The following HS6ST2 variants were observed in gnomAD, a reference collection of about 807,000 sequenced individuals.
HS6ST2 encodes the protein heparan-sulfate 6-O-sulfotransferase 2.
A neutral mutation model predicts 33.0 loss-of-function variants in HS6ST2; 17 were observed. The ratio of observed to expected loss-of-function variants is 0.52; its 90% CI spans 0.35 to 0.77. The LOEUF (loss-of-function observed/expected upper bound fraction) is 0.77. Among genes scored for constraint, HS6ST2 ranks in the 30% least tolerant of loss-of-function variants. HS6ST2 has a pLI of 0.01. For synonymous variants in HS6ST2, 248 were observed against 237.1 expected (o/e 1.05, Z -0.42); for missense variants, 519 against 551.7 (o/e 0.94, Z 0.59).
chrX:132,835,919 G>A lies in HS6ST2; in HGVS notation c.947+120889C>T, dbSNP rs189350644. On this transcript the variant is annotated intron_variant, in intron 2 of 4. Transcript: ENST00000370833. ...TGACAGAGCAAGACTGTCTGGGGTG[G>A]AGGGGGGAAGAAATCTGCTAGAAAC... Among the ~76,000 whole-genome samples the A allele has an allele frequency of 4.6e-4, 51 of 111,716 alleles. 4 individuals are homozygous for A. The highest frequency in any genetic ancestry group is 4.2e-3 in the East Asian group (15 of 3,541).
chrX:132,742,043 A>T (rs985385290), intron 2 of HS6ST2, among the ~76,000 whole-genome samples: 2 of 112,117 alleles, frequency 1.8e-5, no homozygotes, highest in African/African-American at 6.5e-5. Context: ...TATTGTAAAA[A>T]ATCTCTCCCA....
chrX:132,728,898 A>G (rs768728824), intron 2 of HS6ST2, among the ~76,000 whole-genome samples: 1 of 112,851 alleles, frequency 8.9e-6, no homozygotes, highest in South Asian at 3.7e-4. Context: ...ACTTGCCCTT[A>G]TGGCCCATCT....
At chrX:132,957,374 G>C in intron 1 of HS6ST2, 48 bp from the exon 2 acceptor site, 1 of 1,114,039 alleles carries the variant, frequency 9.0e-7, no homozygotes, top group Non-Finnish European at 1.2e-6. Flanking sequence ...CTCAGCCCGC[G>C]CTCGTCGTGC....
intron 2 of HS6ST2, among the ~76,000 whole-genome samples, chrX:132,880,804 T>C (rs765538253): frequency 1.1e-5 from 1 of 93,643 alleles, no homozygotes. Flanking sequence ...CAGGCCCTCA[T>C]GTGTGATGTT....
intron 3 of HS6ST2, among the ~76,000 whole-genome samples, chrX:132,689,712 T>C (rs2064045823): frequency 1.8e-5 from 2 of 112,153 alleles, no homozygotes; most frequent in Admixed American, 1.9e-4. Flanking sequence ...TCCCCTCTGG[T>C]TAAGAGCTGG....
intron 2 of HS6ST2, among the ~76,000 whole-genome samples, chrX:132,955,014 A>G (rs2067053693): frequency 8.9e-6 from 1 of 112,001 alleles, no homozygotes; most frequent in South Asian, 3.8e-4. Context: ...CATGTGCCCC[A>G]TGGAACTCCA....
chrX:132,884,028 G>T (rs2066217959), intron 2 of HS6ST2, among the ~76,000 whole-genome samples: 1 of 111,976 alleles, frequency 8.9e-6, no homozygotes, highest in South Asian at 3.7e-4. Context: ...ACTGTTTTGT[G>T]TGGTTTGCAA....
At chrX:132,797,438 G>C (rs373133624) in intron 2 of HS6ST2, among the ~76,000 whole-genome samples, 3 of 112,119 alleles carry the variant, frequency 2.7e-5, no homozygotes, top group East Asian at 2.8e-4. Context: ...TTGGAATTCT[G>C]GGCTTTCCCC....
chrX:132,654,774 C>T (rs1033338262), intron 4 of HS6ST2, among the ~76,000 whole-genome samples: 4 of 111,651 alleles, frequency 3.6e-5, no homozygotes, highest in African/African-American at 1.3e-4. Flanking sequence ...CTCACATCAG[C>T]GCATACACTG....
chrX:132,847,023 G>A (rs1489950569), intron 2 of HS6ST2, among the ~76,000 whole-genome samples: 2 of 111,307 alleles, frequency 1.8e-5, no homozygotes, highest in African/African-American at 6.5e-5. Context: ...AGCAAGAGGG[G>A]TTCATGCATG....
At chrX:132,754,418 C>CT (rs774142302) in intron 2 of HS6ST2, among the ~76,000 whole-genome samples, 3,238 of 96,655 alleles carry the variant, frequency 0.034, 97 homozygotes, top group East Asian at 0.12. Context: ...CCATACTGCA[C>CT]TTTTTTTTTT....
intron 2 of HS6ST2, among the ~76,000 whole-genome samples, chrX:132,889,423 G>C (rs1033664865): frequency 1.8e-5 from 2 of 111,020 alleles, no homozygotes; most frequent in Admixed American, 9.7e-5. Flanking sequence ...GCAAGAGAAG[G>C]GGGGAAGTGG....
At chrX:132,795,614 T>C (rs1483815845) in intron 2 of HS6ST2, among the ~76,000 whole-genome samples, 1 of 111,197 alleles carries the variant, frequency 9.0e-6, no homozygotes, top group Admixed American at 9.6e-5. Flanking sequence ...ACAGAGACCT[T>C]TTTTTTTATG....
chrX:132,683,787 G>C (rs1035313510), intron 3 of HS6ST2, among the ~76,000 whole-genome samples: 2 of 111,164 alleles, frequency 1.8e-5, no homozygotes, highest in Non-Finnish European at 3.8e-5. Context: ...GTCAGAGCAA[G>C]TAGCATGGGC....
At chrX:132,678,510 T>C (rs1352968208) in intron 3 of HS6ST2, among the ~76,000 whole-genome samples, 4 of 112,798 alleles carry the variant, frequency 3.5e-5, no homozygotes, top group Non-Finnish European at 5.6e-5. Flanking sequence ...CAAAGGACTT[T>C]GTACTTTTCT....
intron 2 of HS6ST2, among the ~76,000 whole-genome samples, chrX:132,866,313 G>A (rs148270609): frequency 0.14 from 15,107 of 105,875 alleles, 956 homozygotes; most frequent in East Asian, 0.32. Flanking sequence ...ATTTCTGAGG[G>A]CTCTGTTCTG....
chrX:132,854,642 T>C (rs2065835162), intron 2 of HS6ST2, among the ~76,000 whole-genome samples: 1 of 112,896 alleles, frequency 8.9e-6, no homozygotes, highest in Non-Finnish European at 1.9e-5. Flanking sequence ...ATTAAAATAA[T>C]TTTAATAGAC....
intron 2 of HS6ST2, among the ~76,000 whole-genome samples, chrX:132,859,356 A>T (rs1321017173): frequency 9.0e-6 from 1 of 111,501 alleles, no homozygotes; most frequent in East Asian, 2.8e-4. Context: ...AAGGATCATG[A>T]CAGAATTATC....
chrX:132,852,496 C>T (rs1257638498), intron 2 of HS6ST2, among the ~76,000 whole-genome samples: 2 of 112,086 alleles, frequency 1.8e-5, no homozygotes, highest in South Asian at 3.8e-4. Context: ...AGGACTTGGG[C>T]TAAACAATTC....
Sources: gnomAD v4.1 joint callset for allele counts (sites outside exome capture counted in the v4.1 genomes callset) on GRCh38, gnomAD v4.1.1 for gene constraint, MANE v1.5 for transcripts, NCBI Gene and HGNC (gene_info 2026-07-23, HGNC 2026-07-21) for gene names.